Variants in TRIM34 observed in about 807,000 individuals in gnomAD.
The protein encoded by TRIM34 is tripartite motif containing 34.
TRIM34 carries 41 observed loss-of-function variants against 38.1 expected under a neutral mutation model. The ratio of observed to expected loss-of-function variants is 1.08; its 90% CI spans 0.84 to 1.40. The LOEUF is 1.40. Among genes scored for constraint, TRIM34 ranks in the 40% most tolerant of loss-of-function variants. The probability of loss-of-function intolerance (pLI) is 0.00; values close to 1 mark genes in which losing one functional copy is unlikely to be tolerated. For missense variants in TRIM34, 556 were observed against 571.4 expected, an observed-to-expected ratio of 0.97 and a Z score of 0.27; for synonymous variants, 200 against 202.5, an observed-to-expected ratio of 0.99 and a Z score of 0.10.
At chr11:5,639,454 G>A (rs991203235) in intron 4 of TRIM34, among the ~76,000 whole-genome samples, 9 of 151,976 alleles carry the variant, frequency 5.9e-5, no homozygotes, top group Non-Finnish European at 1.3e-4. Flanking sequence ...ACCGAAGAGG[G>A]CGGATCATGA....
chr11:5,632,778 T>G, intron 2 of TRIM34, 24 bp downstream of exon 2: 3 of 1,547,638 alleles, frequency 1.9e-6, no homozygotes, highest in South Asian at 1.2e-5. Flanking sequence ...TGGAGGGAGA[T>G]GGGGCAGAAG....
upstream of TRIM34, among the ~76,000 whole-genome samples, chr11:5,621,187 C>A (rs79347474): frequency 0.017 from 2,626 of 152,312 alleles, 69 homozygotes; most frequent in African/African-American, 0.06. Flanking sequence ...CTGGATCACT[C>A]CAGGCTGCTG....
chr11:5,623,549 T>TG (rs1351413316), upstream of TRIM34, among the ~76,000 whole-genome samples: 2 of 149,782 alleles, frequency 1.3e-5, no homozygotes, highest in Non-Finnish European at 1.5e-5. Flanking sequence ...TTTTTTTTTT[T>TG]TTTGTAATTT....
chr11:5,639,077 C>T (rs1227291467), intron 4 of TRIM34, among the ~76,000 whole-genome samples: 5 of 152,048 alleles, frequency 3.3e-5, no homozygotes, highest in African/African-American at 1.2e-4. Context: ...GGCCCTGGTA[C>T]AAGTTGTATG....
In TRIM34 at chr11:5,627,494, G is replaced by GA. The variant is rs1230169915; in HGVS notation, c.-78+2442dup. 1.2e-4 allele frequency among the ~76,000 whole-genome samples: 18 copies of GA among 151,898 alleles called. No individual in the cohort carries two copies. The East Asian group carries it at 1.7e-3, about 15-fold the overall frequency. On this transcript the variant is annotated intron_variant, in intron 1 of 7. Coordinates refer to ENST00000429814, the MANE Select transcript of TRIM34 (RefSeq NM_021616.6). The stretch of plus-strand genomic sequence containing the variant: ...AGTTGAGGTGGTTGGAAACTAATTT[G>GA]AAAAAAAACTCTTTCAGCATATTCT...
intron 4 of TRIM34, among the ~76,000 whole-genome samples, chr11:5,639,475 T>A (rs1388515411): frequency 6.6e-6 from 1 of 151,748 alleles, no homozygotes; most frequent in African/African-American, 2.4e-5. Flanking sequence ...GGTCAGGAGA[T>A]CAAGACCATC....
At chr11:5,620,744 T>C (rs1435455466), upstream of TRIM34, among the ~76,000 whole-genome samples, 2 of 152,174 alleles carry the variant, frequency 1.3e-5, no homozygotes, top group Non-Finnish European at 2.9e-5. Context: ...TTGTCAGTGT[T>C]CTCTTCCTCC....
At position 5,642,574 on chromosome 11, in the gene TRIM34, T is replaced by G. The variant is rs560039264; in HGVS notation, c.874+68T>G. The G allele has an allele frequency of 5.1e-6, 8 of 1,555,504 alleles. No individual in the cohort carries two copies. The East Asian group carries it at 1.8e-4, about 36-fold the overall frequency. On this transcript the variant is annotated intron_variant, in intron 6 of 7. Coordinates refer to ENST00000429814, the MANE Select transcript of TRIM34 (RefSeq NM_021616.6). ...GGTGTCAGGTAATAAACTGTCTAGG[T>G]GGGATAACTTAAAATTGAGGACAGA... is the stretch of plus-strand genomic sequence containing the variant.
At chr11:5,639,375 G>A (rs1037698279) in intron 4 of TRIM34, among the ~76,000 whole-genome samples, 1 of 152,070 alleles carries the variant, frequency 6.6e-6, no homozygotes, top group Non-Finnish European at 1.5e-5. Context: ...CAGCACCTAT[G>A]TGTGAGCTAA....
In TRIM34 at chr11:5,634,771, G is replaced by A; in HGVS notation, c.660G>A (p.Glu220=). 6.2e-7 allele frequency: 1 copy of A among 1,614,052 alleles called. No individual in the cohort carries two copies. Among genetic ancestry groups the A allele is most frequent in the African/African-American group, 1.3e-5 (1 of 75,018 alleles). ...CGCTGGATAAGTTTGCAGAGGCTGA[G>A]GATGAGCTAGTTCAGCAGAAGCAGT... is the stretch of plus-strand genomic sequence containing the variant. ...KKTLDKFAEA[E]DELVQQKQLV... Residue 220 remains glutamate (E), a synonymous_variant, in exon 4 of 8, where the codon GAG becomes GAA. Transcript: ENST00000429814.
intron 4 of TRIM34, among the ~76,000 whole-genome samples, chr11:5,636,460 G>A (rs1402044511): frequency 6.6e-6 from 1 of 152,178 alleles, no homozygotes; most frequent in East Asian, 1.9e-4. Context: ...GCACTACATC[G>A]TGAATATTTT....
chr11:5,643,679 T>A lies in TRIM34; in HGVS notation c.1437T>A (p.Ala479=), dbSNP rs533661542. 1 of 1,609,134 alleles carries A rather than the reference T, an allele frequency of 6.2e-7. No homozygotes were observed. The highest frequency in any genetic ancestry group is 1.3e-5 in the African/African-American group (1 of 74,744). The change falls in exon 8 of 8, where the codon GCT becomes GCA. Residue 479 remains alanine, a synonymous_variant. Transcript: ENST00000429814. ...YPYFNPWNCP[A]PMTLCPPSS is the part of the protein sequence containing the mutation. ...ATTTCAATCCTTGGAACTGTCCAGCTCCCATGACTCTATGCCCACCAAGCT... is the reference window on the plus strand; with the variant it reads ...ATTTCAATCCTTGGAACTGTCCAGCACCCATGACTCTATGCCCACCAAGCT...
intron 3 of TRIM34, among the ~76,000 whole-genome samples, 162 bp downstream of exon 3, chr11:5,634,061 G>A (rs917481451): frequency 3.9e-5 from 6 of 152,156 alleles, no homozygotes; most frequent in African/African-American, 1.4e-4. Flanking sequence ...GCTAGAAAGT[G>A]GACATGTTAC....
At position 5,629,093 on chromosome 11, in the gene TRIM34, A is replaced by G. The variant is rs1407760275; in HGVS notation, c.-77-3162A>G. Among the ~76,000 whole-genome samples, 5 of 152,146 alleles carry G rather than the reference A, an allele frequency of 3.3e-5. No individual in the cohort carries two copies. In the East Asian group the frequency reaches 9.6e-4, roughly 29 times the overall value. On this transcript the variant is annotated intron_variant, in intron 1 of 7. Coordinates refer to ENST00000429814, the MANE Select transcript of TRIM34 (RefSeq NM_021616.6). ...GGAGTTCAAGACCAGCATGGCCAAC[A>G]TGGTGAAACCCCGTCTCTACTAAAA...
upstream of TRIM34, among the ~76,000 whole-genome samples, chr11:5,623,082 G>A (rs771524858): frequency 2.7e-5 from 4 of 150,250 alleles, no homozygotes; most frequent in Non-Finnish European, 4.4e-5. Flanking sequence ...GAGCAAAGGG[G>A]TGACTTTGAG....
chr11:5,638,122 T>G (rs546332127), intron 4 of TRIM34, among the ~76,000 whole-genome samples: 117 of 152,368 alleles, frequency 7.7e-4, no homozygotes, highest in Non-Finnish European at 1.4e-3. Flanking sequence ...TTATTTTAAG[T>G]TGGACATCTG....
rs1850134349 is a variant in TRIM34 at position 5,643,957 on chromosome 11, T to C, written c.*248T>C. ...CACAGCAGTATGGGTATAACATCCT[T>C]GCCTTCCCATTTATCCATGTTTCAC... is the stretch of plus-strand genomic sequence containing the variant. On this transcript the variant is annotated 3_prime_UTR_variant, in exon 8 of 8. Transcript: ENST00000429814. 1.9e-6 allele frequency: 1 copy of C among 519,446 alleles called. No individual in the cohort carries two copies. The highest frequency in any genetic ancestry group is 3.2e-5 in the East Asian group (1 of 31,596). The allele number at this position is 519,446 out of a possible 1,614,324, so 32.2% of individuals were successfully genotyped here.
intron 4 of TRIM34, among the ~76,000 whole-genome samples, chr11:5,636,371 T>G (rs1180488453): frequency 2.0e-5 from 3 of 152,188 alleles, no homozygotes; most frequent in Admixed American, 1.3e-4. Flanking sequence ...TGGGGAAGAA[T>G]AGGAAGTAAT....
Position 5,634,531 on chromosome 11 carries a change from A to G in TRIM34, c.520-100A>G, listed in dbSNP as rs865882376. ...CACACACACACACACACACACACAC[A>G]TATATATATATATATATTTCCCTAC... On this transcript the variant is annotated intron_variant, in intron 3 of 7. Transcript: ENST00000429814. 41 of 476,400 alleles carry G rather than the reference A, an allele frequency of 8.6e-5. 1 individual carries two copies. The highest frequency in any genetic ancestry group is 8.4e-4 in the African/African-American group (30 of 35,566). 29.5% of individuals were successfully genotyped at this position (476,400 alleles called of 1,614,324 possible).
Sources: allele counts gnomAD v4.1 joint callset (sites outside exome capture counted in the v4.1 genomes callset), GRCh38; gene constraint gnomAD v4.1.1; transcripts MANE v1.5; gene names NCBI Gene and HGNC (gene_info 2026-07-23, HGNC 2026-07-21).